ENKD1: variants seen among roughly 807,000 people sequenced by gnomAD.
ENKD1 encodes enkurin domain-containing protein 1.
A neutral mutation model predicts 35.8 loss-of-function variants in ENKD1; 39 were observed. The ratio of observed to expected loss-of-function variants is 1.09; its 90% confidence interval spans 0.84 to 1.42. The LOEUF (loss-of-function observed/expected upper bound fraction) is 1.42, where lower values mean the gene tolerates loss of function less well. ENKD1 is among the 40% of genes most tolerant of loss of function. The pLI is 0.00. For synonymous variants in ENKD1, 205 were observed against 198.6 expected (o/e 1.03, Z -0.27); for missense variants, 474 against 471.3 (o/e 1.01, Z -0.05).
chr16:67,664,058 G>A lies in ENKD1; in HGVS notation c.458C>T (p.Pro153Leu), dbSNP rs1027926981. The A allele has an allele frequency of 1.3e-6, 2 of 1,555,968 alleles. No individual in the cohort carries two copies. Among genetic ancestry groups the A allele is most frequent in the African/African-American group, 2.7e-5 (2 of 73,492 alleles). Residue 153 changes from proline (P) to leucine (L), a missense_variant, in exon 4 of 7, where the codon CCT becomes CTT. Coordinates refer to ENST00000243878, the MANE Select transcript of ENKD1 (RefSeq NM_032140.3). ...ESRVKAQLQE[P>L]GPASGTESAH... ...AGACTCTGTCCCAGAGGCAGGGCCA[G>A]GCTCCTGGAGGGCAGGGCACAGCAG...
intron 2 of ENKD1, 111 bp downstream of exon 2, chr16:67,665,959 GA>G: frequency 8.6e-7 from 1 of 1,166,216 alleles, no homozygotes; most frequent in Non-Finnish European, 1.2e-6. Context: ...GGGAAACTGA[GA>G]CTCAAGAGAT....
At chr16:67,664,479 TC>T in intron 3 of ENKD1, 1 of 357,018 alleles carries the variant, frequency 2.8e-6, no homozygotes, top group South Asian at 2.2e-5. Flanking sequence ...CTGGACACAC[TC>T]CCACCCCCTG....
intron 6 of ENKD1, 34 bp from the exon 7 acceptor site, chr16:67,663,355 G>A (rs2053056403): frequency 6.2e-7 from 1 of 1,612,692 alleles, no homozygotes; most frequent in Non-Finnish European, 8.5e-7. Context: ...AGAACAGTGA[G>A]TGTTGGGCAG....
chr16:67,664,604 TC>T lies in ENKD1; in HGVS notation c.453+391del, dbSNP rs140088999. On this transcript the variant is annotated intron_variant, in intron 3 of 6. Transcript: ENST00000243878. ...GAGCCCCCCACCATACCCCTGCCCT[TC>T]CCACTGTCCTCAGAAATAAGGGCTG... The T allele has an allele frequency of 5.2e-3, 1,595 of 307,332 alleles. 21 individuals are homozygous for T. The highest frequency in any genetic ancestry group is 0.033 in the African/African-American group (1,475 of 45,372). 19.0% of individuals were successfully genotyped at this position (307,332 alleles called of 1,614,324 possible).
chr16:67,663,773 G>A lies in ENKD1; in HGVS notation c.627C>T (p.Ala209=), dbSNP rs2142984687. The A allele has an allele frequency of 6.2e-7, 1 of 1,610,414 alleles. No individual in the cohort carries two copies. Among genetic ancestry groups the A allele is most frequent in the South Asian group, 1.1e-5 (1 of 90,420 alleles). ...AGGAATGCCTCCGGGGGGCTCTCTTGGCAGCTCGTGCATTGTGACGAATGA... is the reference window on the plus strand; with the variant it reads ...AGGAATGCCTCCGGGGGGCTCTCTTAGCAGCTCGTGCATTGTGACGAATGA... ...VDFIRHNARA[A]KRAPRRHSCS... Residue 209 remains alanine, a synonymous_variant, in exon 5 of 7, where the codon GCC becomes GCT. Transcript: ENST00000243878.
At position 67,665,166 on chromosome 16, in the gene ENKD1, T is replaced by C. The variant is rs543005933; in HGVS notation, c.283A>G (p.Lys95Glu). 7.6e-5 allele frequency: 123 copies of C among 1,609,566 alleles called. No homozygotes were observed. The Middle Eastern group carries it at 2.3e-3, about 30-fold the overall frequency. ...SLGPGASLKR[K>E]DPKDHEKENL... ...TCCTTCTCATGGTCCTTAGGGTCCTTCCCTGGAGAAAAGATGCCCCCAGGT... is the reference window on the plus strand; with the variant it reads ...TCCTTCTCATGGTCCTTAGGGTCCTCCCCTGGAGAAAAGATGCCCCCAGGT... The change falls in exon 3 of 7, where the codon AAG becomes GAG. Residue 95 changes from lysine (K) to glutamate (E), a missense_variant and splice_region_variant. Physicochemically the swap from Lys to Glu is moderately conservative, Grantham distance 56. Coordinates refer to ENST00000243878, the MANE Select transcript of ENKD1 (RefSeq NM_032140.3).
At position 67,666,425 on chromosome 16, in the gene ENKD1, G is replaced by C. The variant is rs1373214675; in HGVS notation, c.18C>G (p.Ser6=). 2 of 1,541,598 alleles carry C rather than the reference G, an allele frequency of 1.3e-6. No individual in the cohort carries two copies. The highest frequency in any genetic ancestry group is 2.8e-5 in the African/African-American group (2 of 71,714). ...CTGGGGGGATGGGCCCCGAGATGCGGGACGGGCCCTCGCACATGCCGCCGG... is the reference window on the plus strand; with the variant it reads ...CTGGGGGGATGGGCCCCGAGATGCGCGACGGGCCCTCGCACATGCCGCCGG... MCEGP[S]RISGPIPPDP... is the part of the protein sequence containing the mutation. The change falls in exon 1 of 7, where the codon TCC becomes TCG. Residue 6 remains serine, a synonymous_variant. Coordinates refer to ENST00000243878, the MANE Select transcript of ENKD1 (RefSeq NM_032140.3).
Position 67,665,071 on chromosome 16 carries a change from C to G in ENKD1, c.378G>C (p.Gln126His), listed in dbSNP as rs374410662. 1 of 1,613,924 alleles carries G rather than the reference C, an allele frequency of 6.2e-7. No homozygotes were observed. Among genetic ancestry groups the G allele is most frequent in the Non-Finnish European group, 8.5e-7 (1 of 1,179,996 alleles). The part of the protein sequence containing the change: ...REQERSREQG[Q>H]PRPLKALWRS... ...GCCACAGAGCTTTCAGGGGCCTGGGCTGGCCCTGCTCCCGGCTGCGCTCCT... is the reference window on the plus strand; with the variant it reads ...GCCACAGAGCTTTCAGGGGCCTGGGGTGGCCCTGCTCCCGGCTGCGCTCCT... The change falls in exon 3 of 7, where the codon CAG (glutamine) becomes CAC (histidine). Residue 126 changes from glutamine (Q) to histidine (H), a missense_variant. By Grantham distance (24) the Gln-to-His change is conservative (BLOSUM62 0). Coordinates refer to ENST00000243878, the MANE Select transcript of ENKD1 (RefSeq NM_032140.3).
chr16:67,663,882 C>T, intron 4 of ENKD1, 55 bp downstream of exon 4: 2 of 1,603,996 alleles, frequency 1.2e-6, no homozygotes, highest in Non-Finnish European at 1.7e-6. Flanking sequence ...CTGAACACCC[C>T]CCCCACACCA....
At chr16:67,664,734 G>GC (rs1406305346) in intron 3 of ENKD1, among the ~76,000 whole-genome samples, 4 of 152,162 alleles carry the variant, frequency 2.6e-5, no homozygotes, top group African/African-American at 9.7e-5. Context: ...CTCCACTGCT[G>GC]CGTGCCCTGT....
intron 3 of ENKD1, 51 bp downstream of exon 3, chr16:67,664,939 ACAGTTG>A: frequency 6.5e-7 from 1 of 1,542,314 alleles, no homozygotes; most frequent in Non-Finnish European, 8.8e-7. Context: ...AGATCAGGGT[ACAGTTG>A]CCTGTTGGCC....
rs770711938 is a variant in ENKD1 at position 67,663,481 on chromosome 16, G to C, written c.819C>G (p.Pro273=). The change falls in exon 6 of 7, where the codon CCC becomes CCG. Residue 273 remains proline, a synonymous_variant. Coordinates refer to ENST00000243878, the MANE Select transcript of ENKD1 (RefSeq NM_032140.3). The part of the protein sequence containing the change: ...RKQSQPDPAM[P]PGHTRMPENQ... ...TCTCAGGCATGCGCGTGTGGCCTGGGGGCATGGCAGGGTCCGGCTGGCTCT... is the reference window on the plus strand; with the variant it reads ...TCTCAGGCATGCGCGTGTGGCCTGGCGGCATGGCAGGGTCCGGCTGGCTCT... 6.2e-7 allele frequency: 1 copy of C among 1,613,052 alleles called. No individual in the cohort carries two copies. The highest frequency in any genetic ancestry group is 2.2e-5 in the East Asian group (1 of 44,878).
At position 67,663,669 on chromosome 16, in the gene ENKD1, T is replaced by C; in HGVS notation, c.731A>G (p.His244Arg). 1.9e-6 allele frequency: 3 copies of C among 1,612,100 alleles called. No individual in the cohort carries two copies. Among genetic ancestry groups the C allele is most frequent in the Admixed American group, 1.7e-5 (1 of 59,926 alleles). Residue 244 changes from histidine to arginine, a missense_variant, in exon 5 of 7, where the codon CAT becomes CGT. Physicochemically the swap from His to Arg is conservative, Grantham distance 29. Transcript: ENST00000243878. ...QEHYNATQKG[H>R]VPHYLLERRD... ...CAGTGAGACCTACTAATGTGGCACA[T>C]GGCCCTTCTGCGTGGCATTGTAGTG...
Position 67,662,946 on chromosome 16 carries a change from C to T in ENKD1, c.*215G>A, listed in dbSNP as rs2053050470. The T allele has an allele frequency of 3.1e-6, 2 of 650,342 alleles. No individual in the cohort carries two copies. The allele number at this position is 650,342 out of a possible 1,614,324, so 40.3% of individuals were successfully genotyped here. On this transcript the variant is annotated 3_prime_UTR_variant, in exon 7 of 7. Coordinates refer to ENST00000243878, the MANE Select transcript of ENKD1 (RefSeq NM_032140.3). This position sits in a 1 kb window ranked among gnomAD's most constrained non-coding sequence, Gnocchi z 6.9. ...AAGAAAAGCTCTTATGGAAACAAAT[C>T]CTGTGTACAAAATGTTTAATTTTGA...
At chr16:67,665,190 G>A in intron 2 of ENKD1, 22 bp from the exon 3 acceptor site, 3 of 1,603,002 alleles carry the variant, frequency 1.9e-6, no homozygotes, top group Non-Finnish European at 8.5e-7. Context: ...ATGCCCCCAG[G>A]TTCTGCCCTA....
chr16:67,666,031 G>A (rs780339419), intron 2 of ENKD1, 40 bp downstream of exon 2: 2 of 1,592,146 alleles, frequency 1.3e-6, no homozygotes, highest in African/African-American at 1.4e-5. Context: ...TTTCCACCCC[G>A]CACTGCCTCT....
In ENKD1 at chr16:67,666,271, G is replaced by T; in HGVS notation, c.86-6C>A. 6.3e-7 allele frequency: 1 copy of T among 1,598,988 alleles called. No individual in the cohort carries two copies. Among genetic ancestry groups the T allele is most frequent in the South Asian group, 1.1e-5 (1 of 89,686 alleles). On this transcript the variant is annotated splice_region_variant and splice_polypyrimidine_tract_variant and intron_variant, in intron 1 of 6. Coordinates refer to ENST00000243878, the MANE Select transcript of ENKD1 (RefSeq NM_032140.3). ...TCCCTCGAGGCGCCCTTGAGCTGTG[G>T]GGCGGAGCCGGGCGGAGTCCGGGGC...
chr16:67,666,540 C>CAGGGT lies in ENKD1; in HGVS notation c.-99_-98insACCCT. The stretch of plus-strand genomic sequence containing the variant: ...CCCAACCCCGGGCCCCCTCCCTCGC[C>CAGGGT]CGGCACCCTGACCCTGGCGTGCCCG... On this transcript the variant is annotated 5_prime_UTR_variant, in exon 1 of 7. Coordinates refer to ENST00000243878, the MANE Select transcript of ENKD1 (RefSeq NM_032140.3). 1.7e-6 allele frequency: 2 copies of CAGGGT among 1,179,894 alleles called. No homozygotes were observed. The highest frequency in any genetic ancestry group is 1.1e-6 in the Non-Finnish European group (1 of 892,582). The allele number at this position is 1,179,894 out of a possible 1,614,324, so 73.1% of individuals were successfully genotyped here.
chr16:67,666,351 G>T lies in ENKD1; in HGVS notation c.85+7C>A. On this transcript the variant is annotated splice_region_variant and intron_variant, in intron 1 of 6. Transcript: ENST00000243878. ...GCCTCGCACCACCGCCAAGCCCCCG[G>T]ACTCACCCGAGGTCGGCCGCCTGTA... 1 of 1,581,820 alleles carries T rather than the reference G, an allele frequency of 6.3e-7. No homozygotes were observed.
Sources: gnomAD v4.1 joint callset for allele counts (sites outside exome capture counted in the v4.1 genomes callset) on GRCh38, gnomAD v4.1.1 for gene constraint, Gnocchi (gnomAD v3.1) non-coding constraint, MANE v1.5 for transcripts, NCBI Gene and HGNC (gene_info 2026-07-23, HGNC 2026-07-21) for gene names.